Variants in MSL2 observed in about 807,000 individuals in gnomAD.
The protein encoded by MSL2 is MSL complex subunit 2.
A neutral mutation model predicts 35.8 loss-of-function variants in MSL2; 2 were observed. The observed-to-expected ratio is 0.06, with a 90% CI of 0.02 to 0.18. MSL2 has a LOEUF of 0.18. Ranked by LOEUF, MSL2 falls within the 10% of genes least tolerant of loss-of-function variation. The pLI is 1.00. For synonymous variants in MSL2, 296 were observed against 255.7 expected (o/e 1.16, Z -1.50); for missense variants, 523 against 706.7 (o/e 0.74, Z 2.95).
chr3:136,172,113 T>G (rs1940043182), intron 1 of MSL2, among the ~76,000 whole-genome samples: 1 of 152,176 alleles, frequency 6.6e-6, no homozygotes, highest in Non-Finnish European at 1.5e-5. Flanking sequence ...ACCTGGCCTG[T>G]ATATTGAAAT....
In MSL2 at chr3:136,195,557, T is replaced by G; in HGVS notation, c.-444A>C. The G allele has an allele frequency of 1.0e-6, 1 of 998,340 alleles. No homozygotes were observed. Among genetic ancestry groups the G allele is most frequent in the Non-Finnish European group, 1.2e-6 (1 of 838,498 alleles). The allele number at this position is 998,340 out of a possible 1,614,324, so 61.8% of individuals were successfully genotyped here. On this transcript the variant is annotated 5_prime_UTR_variant, in exon 1 of 2. Coordinates refer to ENST00000309993, the MANE Select transcript of MSL2 (RefSeq NM_018133.4). ...GGCCCCGTCTGAGGCGCGGCACGCT[T>G]CTCCCGGGCTGCAGGGCCTCTTACT... is the stretch of plus-strand genomic sequence containing the variant.
At chr3:136,153,254 T>C (rs1048297192) in intron 1 of MSL2, among the ~76,000 whole-genome samples, 2 of 152,092 alleles carry the variant, frequency 1.3e-5, no homozygotes, top group South Asian at 2.1e-4. Context: ...CCAAAACCCT[T>C]TGGACCTCAA....
intron 1 of MSL2, among the ~76,000 whole-genome samples, chr3:136,177,417 G>A (rs939461146): frequency 6.6e-6 from 1 of 152,192 alleles, no homozygotes; most frequent in African/African-American, 2.4e-5. Context: ...GTTCATGCCT[G>A]TAATCCCAGC....
chr3:136,182,931 C>G (rs559254215), intron 1 of MSL2, among the ~76,000 whole-genome samples: 2 of 152,320 alleles, frequency 1.3e-5, no homozygotes, highest in East Asian at 3.9e-4. Context: ...GATGAGTAGT[C>G]AGAAGGTTCC....
intron 1 of MSL2, among the ~76,000 whole-genome samples, chr3:136,181,398 C>A (rs1339361285): frequency 6.6e-6 from 1 of 152,092 alleles, no homozygotes; most frequent in Non-Finnish European, 1.5e-5. Flanking sequence ...GGTTACAGCA[C>A]CACTAATTTG....
intron 1 of MSL2, among the ~76,000 whole-genome samples, chr3:136,178,954 G>C (rs867811200): frequency 1.3e-5 from 2 of 149,996 alleles, no homozygotes; most frequent in African/African-American, 4.9e-5. Flanking sequence ...ATGCTGCCCA[G>C]GAATGTAGTT....
chr3:136,160,438 AC>A (rs1231341320), intron 1 of MSL2, among the ~76,000 whole-genome samples: 1 of 150,568 alleles, frequency 6.6e-6, no homozygotes, highest in African/African-American at 2.4e-5. Context: ...AAAAAAAAAA[AC>A]AATGCAAGCC....
chr3:136,172,830 T>C (rs1940065415), intron 1 of MSL2, among the ~76,000 whole-genome samples: 1 of 152,184 alleles, frequency 6.6e-6, no homozygotes, highest in African/African-American at 2.4e-5. Context: ...ATTAATCTTT[T>C]CCCCTTTTGA....
chr3:136,151,658 A>G lies in MSL2; in HGVS notation c.1223T>C (p.Met408Thr), dbSNP rs975125568. The G allele has an allele frequency of 3.7e-6, 6 of 1,614,030 alleles. No individual in the cohort carries two copies. Among genetic ancestry groups the G allele is most frequent in the Non-Finnish European group, 5.1e-6 (6 of 1,180,020 alleles). The change falls in exon 2 of 2, where the codon ATG becomes ACG. Residue 408 changes from methionine to threonine, a missense_variant. Transcript: ENST00000309993. The surrounding 1 kb of genome is among the most constrained non-coding windows in gnomAD (Gnocchi z 5.2). Reference protein sequence around the residue: ...SKTVLLSTKSMKKSHEHGSKK... With the variant: ...SKTVLLSTKSTKKSHEHGSKK... ...GGATCCATGTTCATGACTCTTTTTC[A>G]TGCTTTTAGTAGATAAAAGTACAGT...
At chr3:136,161,435 T>C (rs1300625527) in intron 1 of MSL2, among the ~76,000 whole-genome samples, 2 of 152,238 alleles carry the variant, frequency 1.3e-5, no homozygotes, top group Non-Finnish European at 2.9e-5. Flanking sequence ...AGCAGCATGA[T>C]TCCTAATGGC....
At position 136,173,121 on chromosome 3, in the gene MSL2, C is replaced by T. The variant is rs543936910; in HGVS notation, c.143-20383G>A. Among the ~76,000 whole-genome samples, 9 of 152,278 alleles carry T rather than the reference C, an allele frequency of 5.9e-5. No homozygotes were observed. The South Asian group carries it at 1.9e-3, about 32-fold the overall frequency. On this transcript the variant is annotated intron_variant, in intron 1 of 1. Transcript: ENST00000309993. ...GAGGTTGCAGTGAGCTGAGATCACG[C>T]CACTGCACTCCAGCCTGGGCGACAG...
chr3:136,169,055 T>C (rs940533427), intron 1 of MSL2, among the ~76,000 whole-genome samples: 6 of 151,964 alleles, frequency 3.9e-5, no homozygotes, highest in African/African-American at 9.7e-5. Context: ...ACTTAAGCAA[T>C]GACAAAACAT....
At chr3:136,162,811 T>G (rs963276087) in intron 1 of MSL2, among the ~76,000 whole-genome samples, 3 of 152,190 alleles carry the variant, frequency 2.0e-5, no homozygotes, top group Non-Finnish European at 4.4e-5. Flanking sequence ...AGTAACTATT[T>G]CGAATGACTA....
At chr3:136,177,553 C>T (rs1384560316) in intron 1 of MSL2, among the ~76,000 whole-genome samples, 1 of 151,944 alleles carries the variant, frequency 6.6e-6, no homozygotes, top group Non-Finnish European at 1.5e-5. Context: ...GTGGTGGGCA[C>T]CTGTAGTCCC....
chr3:136,165,931 G>C (rs541582927), intron 1 of MSL2, among the ~76,000 whole-genome samples: 66 of 152,060 alleles, frequency 4.3e-4, no homozygotes, highest in African/African-American at 1.5e-3. Flanking sequence ...ATAAATACTT[G>C]AGGGGATTTT....
intron 1 of MSL2, chr3:136,156,010 C>A: frequency 2.9e-6 from 1 of 341,032 alleles, no homozygotes; most frequent in South Asian, 2.6e-5. Flanking sequence ...CTAACATTTC[C>A]TTATAGTACC....
At chr3:136,171,008 C>T (rs755352989) in intron 1 of MSL2, among the ~76,000 whole-genome samples, 3 of 152,052 alleles carry the variant, frequency 2.0e-5, no homozygotes, top group Non-Finnish European at 2.9e-5. Context: ...TGTTCCATCC[C>T]GAAACATGTC....
intron 1 of MSL2, among the ~76,000 whole-genome samples, chr3:136,154,466 G>T (rs1050351579): frequency 5.3e-5 from 8 of 152,022 alleles, no homozygotes; most frequent in Non-Finnish European, 1.2e-4. Context: ...CTGCTCCTTG[G>T]TTCCCAATCC....
At chr3:136,171,025 A>T (rs891527452) in intron 1 of MSL2, among the ~76,000 whole-genome samples, 1 of 152,176 alleles carries the variant, frequency 6.6e-6, no homozygotes. Context: ...TGTCCTAATG[A>T]TGAATGTTTT....
Sources: gnomAD v4.1 joint callset for allele counts (sites outside exome capture counted in the v4.1 genomes callset) on GRCh38, gnomAD v4.1.1 for gene constraint, Gnocchi (gnomAD v3.1) non-coding constraint, MANE v1.5 for transcripts, NCBI Gene and HGNC (gene_info 2026-07-23, HGNC 2026-07-21) for gene names.